CPNE8: variants seen among roughly 807,000 people sequenced by gnomAD.
CPNE8 encodes copine-8.
CPNE8 carries 45 observed loss-of-function variants against 81.5 expected under a neutral mutation model. The observed-to-expected ratio is 0.55, with a 90% CI of 0.44 to 0.71. The LOEUF (loss-of-function observed/expected upper bound fraction) is 0.71. Ranked by LOEUF, CPNE8 falls within the 30% of genes least tolerant of loss-of-function variation. The pLI, the probability that CPNE8 is intolerant of heterozygous loss-of-function variation, is 0.00. For missense variants in CPNE8, 594 were observed against 672.1 expected (o/e 0.88, Z 1.28); for synonymous variants, 252 against 226.3 (o/e 1.11, Z -1.02).
rs528013726 is a variant in CPNE8, at chr12:38,824,577, A to G, written c.407+4802T>C. Among the ~76,000 whole-genome samples, 10 of 63,588 alleles carry G rather than the reference A, an allele frequency of 1.6e-4. 1 individual carries two copies. The South Asian group carries it at 3.8e-3, about 24-fold the overall frequency. The allele number at this position is 63,588 out of a possible 152,430, so 41.7% of individuals were successfully genotyped here. ...TTAGGCCATTTAAAGGAAAGAAAGCAAAAAAAAAACAAGGAAGTATTCTGA... is the reference window on the plus strand; with the variant it reads ...TTAGGCCATTTAAAGGAAAGAAAGCGAAAAAAAAACAAGGAAGTATTCTGA... On this transcript the variant is annotated intron_variant, in intron 6 of 19. Transcript: ENST00000331366.
intron 19 of CPNE8, among the ~76,000 whole-genome samples, chr12:38,656,713 A>T (rs1938828667): frequency 1.3e-5 from 2 of 152,136 alleles, no homozygotes; most frequent in Non-Finnish European, 1.5e-5. Flanking sequence ...TTAAAGAACT[A>T]ACACAAATTC....
At chr12:38,828,142 C>CA (rs1473891612) in intron 6 of CPNE8, among the ~76,000 whole-genome samples, 2 of 151,868 alleles carry the variant, frequency 1.3e-5, no homozygotes, top group African/African-American at 4.8e-5. Context: ...TTTTTAACGA[C>CA]AAAAAACAAA....
At chr12:38,706,413 T>C (rs929627524) in intron 13 of CPNE8, among the ~76,000 whole-genome samples, 1 of 152,148 alleles carries the variant, frequency 6.6e-6, no homozygotes, top group Middle Eastern at 3.2e-3. Context: ...ATTTTATCCA[T>C]TGATTTTCTC....
intron 19 of CPNE8, among the ~76,000 whole-genome samples, chr12:38,660,819 T>C (rs1938934735): frequency 6.6e-6 from 1 of 152,078 alleles, no homozygotes. Flanking sequence ...CAGATACTTC[T>C]CAAAAGACAT....
intron 1 of CPNE8, among the ~76,000 whole-genome samples, chr12:38,902,381 A>AGAGAG (rs60567703): frequency 5.4e-4 from 31 of 57,806 alleles, no homozygotes; most frequent in African/African-American, 2.7e-3. Flanking sequence ...AGAAAGAAAG[A>AGAGAG]AAAGAAAGAA....
At chr12:38,847,652 C>T (rs535853867) in intron 4 of CPNE8, among the ~76,000 whole-genome samples, 2 of 152,228 alleles carry the variant, frequency 1.3e-5, no homozygotes, top group East Asian at 3.9e-4. Context: ...TAAACACAAG[C>T]ACTGCAGGTT....
chr12:38,767,582 A>G (rs1006342271), intron 8 of CPNE8, 53 bp downstream of exon 8: 1 of 1,029,888 alleles, frequency 9.7e-7, no homozygotes, highest in Non-Finnish European at 1.4e-6. Context: ...AAATAATTAT[A>G]ATTCAAGTAT....
chr12:38,802,263 G>A (rs548305396), intron 6 of CPNE8, among the ~76,000 whole-genome samples: 778 of 28,366 alleles, frequency 0.027, 65 homozygotes, highest in African/African-American at 0.043. Context: ...TGGAAGTAAA[G>A]CTCTCCTCAG....
At chr12:38,694,913 T>A (rs1406364023) in intron 14 of CPNE8, among the ~76,000 whole-genome samples, 2 of 152,136 alleles carry the variant, frequency 1.3e-5, no homozygotes, top group African/African-American at 2.4e-5. Flanking sequence ...AAAATAAAGA[T>A]CTCCCCTTGG....
chr12:38,736,220 T>TGC (rs1491130774), intron 10 of CPNE8, among the ~76,000 whole-genome samples: 1 of 101,392 alleles, frequency 9.9e-6, no homozygotes, highest in Non-Finnish European at 2.2e-5. Flanking sequence ...GGTGTATATA[T>TGC]GTGTGTGTGT....
chr12:38,828,186 G>C (rs991706915), intron 6 of CPNE8, among the ~76,000 whole-genome samples: 4 of 152,108 alleles, frequency 2.6e-5, no homozygotes, highest in African/African-American at 9.7e-5. Flanking sequence ...ATCCTTGTGA[G>C]CATAAGTCAC....
intron 7 of CPNE8, among the ~76,000 whole-genome samples, chr12:38,773,823 AC>A (rs1422727125): frequency 2.6e-5 from 4 of 152,164 alleles, no homozygotes; most frequent in Non-Finnish European, 5.9e-5. Flanking sequence ...ATTCTACTAT[AC>A]TAATGTAGTA....
At chr12:38,820,820 G>A (rs897640450) in intron 6 of CPNE8, among the ~76,000 whole-genome samples, 1 of 152,110 alleles carries the variant, frequency 6.6e-6, no homozygotes, top group Non-Finnish European at 1.5e-5. Flanking sequence ...TACTACTAAA[G>A]CTCACCAATC....
In CPNE8 at chr12:38,775,705, T is replaced by C. The variant is rs142545211; in HGVS notation, c.471+533A>G. On this transcript the variant is annotated intron_variant, in intron 7 of 19. Coordinates refer to ENST00000331366, the MANE Select transcript of CPNE8 (RefSeq NM_153634.3). ...GTAGCAATGTTCTAAAAATACAGAG[T>C]ATGCACTCTCTGTAGTCATACTGCT... 2.6e-5 allele frequency among the ~76,000 whole-genome samples: 4 copies of C among 152,178 alleles called. No homozygotes were observed. In the East Asian group the frequency reaches 7.7e-4, roughly 29 times the overall value.
intron 6 of CPNE8, among the ~76,000 whole-genome samples, chr12:38,813,170 G>A (rs532009841): frequency 1.4e-4 from 22 of 152,234 alleles, no homozygotes; most frequent in Admixed American, 1.4e-3. Context: ...CAAGGAAAGG[G>A]GGCTGAATTT....
At chr12:38,875,576 C>A (rs1821964534) in intron 1 of CPNE8, among the ~76,000 whole-genome samples, 1 of 152,128 alleles carries the variant, frequency 6.6e-6, no homozygotes, top group African/African-American at 2.4e-5. Flanking sequence ...CCCTTGGTAT[C>A]TGAAAAGTCC....
intron 13 of CPNE8, among the ~76,000 whole-genome samples, chr12:38,710,009 A>G (rs1345942227): frequency 6.6e-6 from 1 of 151,958 alleles, no homozygotes; most frequent in Non-Finnish European, 1.5e-5. Flanking sequence ...AAGAGATATG[A>G]TCCCTCAACT....
chr12:38,721,477 A>G (rs1008634968), intron 13 of CPNE8, among the ~76,000 whole-genome samples: 2 of 151,984 alleles, frequency 1.3e-5, no homozygotes, highest in Non-Finnish European at 2.9e-5. Context: ...AAAAGGAGCT[A>G]CCCCCTGAGG....
intron 6 of CPNE8, among the ~76,000 whole-genome samples, chr12:38,808,914 C>T (rs1288637574): frequency 1.3e-5 from 2 of 151,786 alleles, no homozygotes; most frequent in African/African-American, 2.4e-5. Context: ...TTCAAGCACG[C>T]TAGTAAACAG....
Sources: gnomAD v4.1 joint callset for allele counts (sites outside exome capture counted in the v4.1 genomes callset) on GRCh38, gnomAD v4.1.1 for gene constraint, MANE v1.5 for transcripts, NCBI Gene and HGNC (gene_info 2026-07-23, HGNC 2026-07-21) for gene names.